Variants in DEK observed in about 807,000 individuals in gnomAD.
The protein encoded by DEK is DEK proto-oncogene, also known as protein DEK.
Under a neutral mutation model 46.8 loss-of-function variants are expected in DEK, and 28 were observed. The ratio of observed to expected loss-of-function variants is 0.60; its 90% CI spans 0.44 to 0.82. The LOEUF (loss-of-function observed/expected upper bound fraction) is 0.82. Among genes scored for constraint, DEK ranks in the 40% least tolerant of loss-of-function variants. The pLI, the probability that DEK is intolerant of heterozygous loss-of-function variation, is 0.00. For synonymous variants in DEK, 160 were observed against 144.5 expected (o/e 1.11, Z -0.77); for missense variants, 416 against 430.6 (o/e 0.97, Z 0.30).
chr6:18,264,453 G>A lies in DEK; in HGVS notation c.-78C>T, dbSNP rs1380060781. ...GAGGTTCTGGGAGGCGGCGGCGGCC[G>A]ACGCCGAGGAGAAGGCGCGCGGGCC... On this transcript the variant is annotated 5_prime_UTR_variant, in exon 1 of 11. Coordinates refer to ENST00000652689, the MANE Select transcript of DEK (RefSeq NM_003472.4). 2 of 279,744 alleles carry A rather than the reference G, an allele frequency of 7.1e-6. No homozygotes were observed. The highest frequency in any genetic ancestry group is 2.3e-5 in the African/African-American group (1 of 44,024). The allele number at this position is 279,744 out of a possible 1,614,324, so 17.3% of individuals were successfully genotyped here. A position where few individuals can be genotyped will look rare whatever the true frequency, so the allele number is the denominator to read the frequency against.
intron 9 of DEK, among the ~76,000 whole-genome samples, chr6:18,227,271 T>TATAAAACCCGATTGTAC (rs775550165): frequency 4.1e-4 from 63 of 152,144 alleles, no homozygotes; most frequent in Admixed American, 1.7e-3. Context: ...AATGTCTCGG[T>TATAAAACCCGATTGTAC]ATAAAACCCG....
intron 9 of DEK, among the ~76,000 whole-genome samples, chr6:18,231,604 T>C (rs1190860600): frequency 2.0e-5 from 3 of 152,082 alleles, no homozygotes; most frequent in Admixed American, 1.3e-4. Flanking sequence ...GCAAATAAAC[T>C]AGAAAATCTA....
chr6:18,259,757 G>A (rs1182864314), intron 2 of DEK, among the ~76,000 whole-genome samples: 1 of 152,162 alleles, frequency 6.6e-6, no homozygotes, highest in Non-Finnish European at 1.5e-5. Context: ...TGATTATTTT[G>A]GGACTAGAGA....
At position 18,256,941 on chromosome 6, in the gene DEK, A is replaced by T. The variant is rs1273267008; in HGVS notation, c.358-486T>A. ...GGACTTGTGTAAATTAAATTGGTTT[A>T]AGGATTAAATGAGATTAACAGACTC... On this transcript the variant is annotated intron_variant, in intron 4 of 10. Transcript: ENST00000652689. Among the ~76,000 whole-genome samples the T allele has an allele frequency of 3.3e-5, 5 of 152,216 alleles. No individual in the cohort carries two copies. In the East Asian group the frequency reaches 9.6e-4, roughly 29 times the overall value.
chr6:18,238,732 T>C (rs1259558218), intron 7 of DEK, among the ~76,000 whole-genome samples: 1 of 151,860 alleles, frequency 6.6e-6, no homozygotes, highest in Non-Finnish European at 1.5e-5. Flanking sequence ...TTGTCTCATG[T>C]GGAGCCTGTG....
intron 7 of DEK, among the ~76,000 whole-genome samples, chr6:18,240,527 A>C (rs367886176): frequency 6.6e-6 from 1 of 152,364 alleles, no homozygotes; most frequent in East Asian, 1.9e-4. Context: ...TTAACAGATG[A>C]AAAGTATTTT....
At chr6:18,233,122 T>C (rs1352440997) in intron 9 of DEK, among the ~76,000 whole-genome samples, 2 of 152,158 alleles carry the variant, frequency 1.3e-5, no homozygotes, top group Non-Finnish European at 2.9e-5. Context: ...ATTTAATAAA[T>C]GGTGCTGGGA....
chr6:18,264,435 TG>T lies in DEK; in HGVS notation c.-61del. On this transcript the variant is annotated 5_prime_UTR_variant, in exon 1 of 11. Coordinates refer to ENST00000652689, the MANE Select transcript of DEK (RefSeq NM_003472.4). Reference sequence around the variant, plus strand: ...GGCACGCGAGGGCACGAGGAGGTTCTGGGAGGCGGCGGCGGCCGACGCCGAG... The same window carrying T: ...GGCACGCGAGGGCACGAGGAGGTTCTGGAGGCGGCGGCGGCCGACGCCGAG... 1 of 275,834 alleles carries T rather than the reference TG, an allele frequency of 3.6e-6. No homozygotes were observed. Among genetic ancestry groups the T allele is most frequent in the Non-Finnish European group, 7.4e-6 (1 of 134,838 alleles). 17.1% of individuals were successfully genotyped at this position (275,834 alleles called of 1,614,324 possible).
In DEK at chr6:18,258,322, G is replaced by C. The variant is rs751274034; in HGVS notation, c.229C>G (p.Pro77Ala). ...TMQVSSLQRE[P>A]FTIAQGKGQK... is the part of the protein sequence containing the mutation. Reference sequence around the variant, plus strand: ...AACTTACCTTGTGCAATTGTAAATGGCTCTCTCTGTAAGGAAGAGACTTGC... The same window carrying C: ...AACTTACCTTGTGCAATTGTAAATGCCTCTCTCTGTAAGGAAGAGACTTGC... Residue 77 changes from proline (P) to alanine (A), a missense_variant, in exon 3 of 11, where the codon CCA becomes GCA. Coordinates refer to ENST00000652689, the MANE Select transcript of DEK (RefSeq NM_003472.4). 6.2e-7 allele frequency: 1 copy of C among 1,610,744 alleles called. No individual in the cohort carries two copies. Among genetic ancestry groups the C allele is most frequent in the Non-Finnish European group, 8.5e-7 (1 of 1,179,006 alleles).
At chr6:18,263,553 T>A (rs1791968660) in intron 2 of DEK, among the ~76,000 whole-genome samples, 1 of 151,946 alleles carries the variant, frequency 6.6e-6, no homozygotes, top group African/African-American at 2.4e-5. Context: ...CCTACAAACT[T>A]CCCGTCAAAT....
chr6:18,264,023 C>G, intron 1 of DEK, 27 bp from the exon 2 acceptor site: 1 of 1,575,120 alleles, frequency 6.3e-7, no homozygotes, highest in South Asian at 1.1e-5. Flanking sequence ...AGCCGGACGT[C>G]TCGGTCCTCC....
chr6:18,244,183 GAATA>G (rs1279026320), intron 7 of DEK, among the ~76,000 whole-genome samples: 2 of 151,898 alleles, frequency 1.3e-5, no homozygotes, highest in Non-Finnish European at 2.9e-5. Context: ...TTTAAAAAAA[GAATA>G]AAGAAAAAGC....
chr6:18,264,119 T>C, intron 1 of DEK, 123 bp from the exon 2 acceptor site: 4 of 855,918 alleles, frequency 4.7e-6, no homozygotes, highest in South Asian at 2.0e-5. Context: ...CCTCCTCCCA[T>C]AGCCGGGACC....
rs535762046 is a variant in DEK, at chr6:18,262,780, ATGT to A, written c.145+1060_145+1062del. Among the ~76,000 whole-genome samples, 168 of 152,376 alleles carry A rather than the reference ATGT, an allele frequency of 1.1e-3. 9 individuals carry two copies. Among genetic ancestry groups the A allele is most frequent in the African/African-American group, 5.3e-4 (22 of 41,588 alleles). On this transcript the variant is annotated intron_variant, in intron 2 of 10. Transcript: ENST00000652689. ...GTATTAAAAATAATTTTAAAATAAC[ATGT>A]TGTTAAGCAATAGTTTATGTGAAAA...
Position 18,259,394 on chromosome 6 carries a change from C to CAAAAAAAAA in DEK, c.146-998_146-990dup, listed in dbSNP as rs56704006. 3.6e-4 allele frequency among the ~76,000 whole-genome samples: 15 copies of CAAAAAAAAA among 41,482 alleles called. 2 individuals carry two copies. Among genetic ancestry groups the CAAAAAAAAA allele is most frequent in the Non-Finnish European group, 4.7e-4 (9 of 19,168 alleles). 27.2% of individuals were successfully genotyped at this position (41,482 alleles called of 152,430 possible). Reference sequence around the variant, plus strand: ...TGGGCGACACAGCAAGACTCCGTCTCAAAAAAAAAAAAAAAAAAAAAAAAA... The same window carrying CAAAAAAAAA: ...TGGGCGACACAGCAAGACTCCGTCTCAAAAAAAAAAAAAAAAAAAAAAAAAAAAAAAAAA... On this transcript the variant is annotated intron_variant, in intron 2 of 10. Transcript: ENST00000652689.
chr6:18,225,700 A>G lies in DEK; in HGVS notation c.*19T>C, dbSNP rs751175790. 8.7e-6 allele frequency: 14 copies of G among 1,612,278 alleles called. No homozygotes were observed. Among genetic ancestry groups the G allele is most frequent in the African/African-American group, 5.3e-5 (4 of 74,902 alleles). On this transcript the variant is annotated 3_prime_UTR_variant, in exon 11 of 11. Transcript: ENST00000652689. ...ATCTTCAAATCTATGGGAACGAGTC[A>G]TCTTCTCTGTCCTCTATCTCAAGAA...
intron 5 of DEK, 29 bp from the exon 6 acceptor site, chr6:18,255,880 T>C: frequency 6.3e-7 from 1 of 1,585,496 alleles, no homozygotes. Flanking sequence ...GAAACCAAGG[T>C]GTTAATATAG....
intron 6 of DEK, among the ~76,000 whole-genome samples, chr6:18,251,222 T>C (rs1487019769): frequency 2.6e-5 from 4 of 152,228 alleles, no homozygotes; most frequent in Non-Finnish European, 5.9e-5. Context: ...CTTTGTTACT[T>C]TATTTTCTGC....
rs573535544 is a variant in DEK, at chr6:18,256,481, G to A, written c.358-26C>T. 4 of 1,572,842 alleles carry A rather than the reference G, an allele frequency of 2.5e-6. No homozygotes were observed. The South Asian group carries it at 4.5e-5, about 18-fold the overall frequency. The stretch of plus-strand genomic sequence containing the variant: ...CTGAAAATGTTCCTTATTATTAATG[G>A]TATTTATTACCCAGTAATGTACACA... On this transcript the variant is annotated intron_variant, in intron 4 of 10. Coordinates refer to ENST00000652689, the MANE Select transcript of DEK (RefSeq NM_003472.4).
Sources: gnomAD v4.1 joint callset for allele counts (sites outside exome capture counted in the v4.1 genomes callset) on GRCh38, gnomAD v4.1.1 for gene constraint, MANE v1.5 for transcripts, NCBI Gene and HGNC (gene_info 2026-07-23, HGNC 2026-07-21) for gene names.